ZSCAN5A: variants seen among roughly 807,000 people sequenced by gnomAD.
ZSCAN5A encodes the protein zinc finger and SCAN domain containing 5A, also known as zinc finger and SCAN domain-containing protein 5A.
In ZSCAN5A, 12 loss-of-function variants were observed where a neutral mutation model predicts 23.7. That is an observed-to-expected ratio of 0.51 (90% CI 0.32 to 0.82). The LOEUF is 0.82. Among genes scored for constraint, ZSCAN5A ranks in the 40% least tolerant of loss-of-function variants. The pLI is 0.03. For missense variants in ZSCAN5A, 597 were observed against 617.9 expected (o/e 0.97, Z 0.36); for synonymous variants, 257 against 239.9 (o/e 1.07, Z -0.66).
chr19:56,327,016 A>C (rs1316675423), intron 2 of ZSCAN5A, among the ~76,000 whole-genome samples: 1 of 152,190 alleles, frequency 6.6e-6, no homozygotes, highest in African/African-American at 2.4e-5. Flanking sequence ...GCTTAACCTC[A>C]AAATAGTCAT....
At chr19:56,353,033 T>G (rs1375232603) in intron 2 of ZSCAN5A, among the ~76,000 whole-genome samples, 1 of 152,222 alleles carries the variant, frequency 6.6e-6, no homozygotes, top group Non-Finnish European at 1.5e-5. Flanking sequence ...AGTAGCATAC[T>G]CAAGTGTGAT....
At chr19:56,318,773 A>C (rs144188366), upstream of ZSCAN5A, among the ~76,000 whole-genome samples, 166 of 152,348 alleles carry the variant, frequency 1.1e-3, 3 homozygotes, top group African/African-American at 3.8e-3. Flanking sequence ...CCAAGCCAGA[A>C]ACTGAAGCAG....
intron 2 of ZSCAN5A, chr19:56,302,157 G>T: frequency 8.4e-7 from 1 of 1,189,800 alleles, no homozygotes; most frequent in South Asian, 4.3e-5. Context: ...GGAGGGAAGT[G>T]GGGGCACAGA....
chr19:56,344,407 G>A (rs927868651), intron 2 of ZSCAN5A, among the ~76,000 whole-genome samples: 1 of 152,204 alleles, frequency 6.6e-6, no homozygotes, highest in African/African-American at 2.4e-5. Context: ...TTATGCTTTT[G>A]CAACCCCTAT....
chr19:56,299,265 G>A (rs1037252465), intron 2 of ZSCAN5A, among the ~76,000 whole-genome samples: 1 of 151,718 alleles, frequency 6.6e-6, no homozygotes, highest in Non-Finnish European at 1.5e-5. Context: ...CTGAGTAGCT[G>A]GGACCACAGG....
Position 56,306,970 on chromosome 19 carries a change from G to A in ZSCAN5A, c.-128+6313C>T, listed in dbSNP as rs1229367231. Among the ~76,000 whole-genome samples, 29 of 36,426 alleles carry A rather than the reference G, an allele frequency of 8.0e-4. 1 individual carries two copies. Among genetic ancestry groups the A allele is most frequent in the African/African-American group, 4.2e-3 (29 of 6,936 alleles). The allele number at this position is 36,426 out of a possible 152,430, so 23.9% of individuals were successfully genotyped here. The stretch of plus-strand genomic sequence containing the variant: ...GAGGCTCCTCCCTGGCCTCTCCCAC[G>A]TCGCCAGAGAAAGTACTAAGGACAG... On this transcript the variant is annotated intron_variant, in intron 2 of 5. Transcript: ENST00000683990.
intron 2 of ZSCAN5A, among the ~76,000 whole-genome samples, chr19:56,299,665 A>G (rs1286489900): frequency 2.0e-5 from 3 of 152,222 alleles, no homozygotes; most frequent in Admixed American, 6.5e-5. Flanking sequence ...TAACCTATGA[A>G]CAGCCTCCTG....
At chr19:56,231,190 G>A (rs2034432129) in intron 2 of ZSCAN5A, among the ~76,000 whole-genome samples, 1 of 152,020 alleles carries the variant, frequency 6.6e-6, no homozygotes, top group South Asian at 2.1e-4. Context: ...TCCAGCCAGG[G>A]TAACAGAGCC....
chr19:56,359,168 T>G (rs1309131068), intron 2 of ZSCAN5A, among the ~76,000 whole-genome samples: 1 of 145,862 alleles, frequency 6.9e-6, no homozygotes, highest in Non-Finnish European at 1.5e-5. Context: ...ATCAATAAAA[T>G]AGATAGACCA....
In ZSCAN5A at chr19:56,351,008, G is replaced by A. The variant is rs536021519; in HGVS notation, c.-358+12227C>T. Among the ~76,000 whole-genome samples the A allele has an allele frequency of 4.9e-4, 74 of 151,402 alleles. No homozygotes were observed. Among genetic ancestry groups the A allele is most frequent in the Non-Finnish European group, 8.7e-4 (59 of 67,880 alleles). ...AATTGCTGTCCCCCCCCAACCACAC[G>A]CCCCTTTTCAGCAGACAGTACCCAG... On this transcript the variant is annotated intron_variant, in intron 2 of 6. Coordinates refer to the ZSCAN5A transcript ENST00000587340. The surrounding 1 kb of genome is among the most constrained non-coding windows in gnomAD (Gnocchi z 4.8).
chr19:56,316,585 G>GT (rs1419460749), upstream of ZSCAN5A: 4 of 159,358 alleles, frequency 2.5e-5, no homozygotes, highest in Non-Finnish European at 5.5e-5. Flanking sequence ...AATTTGGTCT[G>GT]TAACTGACTG....
At position 56,221,850 on chromosome 19, in the gene ZSCAN5A, G is replaced by A; in HGVS notation, c.1216C>T (p.His406Tyr). The stretch of plus-strand genomic sequence containing the variant: ...CACGTGTAGGGCCTCTCGCCAGTGT[G>A]GGTTCGCTGGTGAAATTGGAGGCTA... ...LISLQFHQRT[H>Y]TGERPYTCDV... The change falls in exon 6 of 6, where the codon CAC (histidine) becomes TAC (tyrosine). Residue 406 changes from histidine to tyrosine, a missense_variant. Transcript: ENST00000683990. The A allele has an allele frequency of 1.2e-6, 2 of 1,614,186 alleles. No individual in the cohort carries two copies. Among genetic ancestry groups the A allele is most frequent in the Non-Finnish European group, 1.7e-6 (2 of 1,180,032 alleles).
At chr19:56,238,432 A>C (rs906149292) in intron 2 of ZSCAN5A, among the ~76,000 whole-genome samples, 2 of 152,212 alleles carry the variant, frequency 1.3e-5, no homozygotes, top group Non-Finnish European at 2.9e-5. Context: ...ATTGGAGAGC[A>C]GCCTGGGCAA....
chr19:56,262,013 G>T (rs1303565248), intron 2 of ZSCAN5A, among the ~76,000 whole-genome samples: 3 of 152,052 alleles, frequency 2.0e-5, no homozygotes, highest in Non-Finnish European at 4.4e-5. Flanking sequence ...CCTACCTACA[G>T]GTAACCACTT....
chr19:56,247,203 A>G, intron 2 of ZSCAN5A: 1 of 470,814 alleles, frequency 2.1e-6, no homozygotes, highest in South Asian at 2.8e-5. Flanking sequence ...TCCACCAGCG[A>G]ATCCACACTG....
chr19:56,343,403 T>G, intron 2 of ZSCAN5A: 1 of 538,982 alleles, frequency 1.9e-6, no homozygotes, highest in East Asian at 4.9e-5. Context: ...ATGCAGCAAT[T>G]TGTGAACCAA....
chr19:56,347,196 G>C (rs534497278), intron 2 of ZSCAN5A: 1 of 152,170 alleles, frequency 6.6e-6, no homozygotes, highest in Non-Finnish European at 1.5e-5. Context: ...AAAGGGGAGT[G>C]GGGGGAGTCT....
At chr19:56,331,784 G>A (rs959931148) in intron 2 of ZSCAN5A, among the ~76,000 whole-genome samples, 3 of 151,430 alleles carry the variant, frequency 2.0e-5, no homozygotes, top group Admixed American at 6.6e-5. Flanking sequence ...ATGGGGTTTC[G>A]TCAGTTGGCC....
intron 2 of ZSCAN5A, among the ~76,000 whole-genome samples, chr19:56,301,726 T>C (rs1017425642): frequency 2.0e-5 from 3 of 152,042 alleles, no homozygotes; most frequent in Non-Finnish European, 4.4e-5. Flanking sequence ...AGGGTCAGAT[T>C]TGGTGATGTC....
Sources: gnomAD v4.1 joint callset for allele counts (sites outside exome capture counted in the v4.1 genomes callset) on GRCh38, gnomAD v4.1.1 for gene constraint, Gnocchi (gnomAD v3.1) non-coding constraint, MANE v1.5 for transcripts, NCBI Gene and HGNC (gene_info 2026-07-23, HGNC 2026-07-21) for gene names.